Variants in CASP10 observed in about 807,000 individuals in gnomAD.
The protein encoded by CASP10 is caspase 10.
A neutral mutation model predicts 48.5 loss-of-function variants in CASP10; 41 were observed. That is an observed-to-expected ratio of 0.85 (90% CI 0.66 to 1.10). The LOEUF (loss-of-function observed/expected upper bound fraction) is 1.10. Ranked by LOEUF, CASP10 falls within the 50% of genes least tolerant of loss-of-function variation. The pLI is 0.00. For missense variants in CASP10, 614 were observed against 614.5 expected (o/e 1.00, Z 0.01); for synonymous variants, 232 against 238.4 (o/e 0.97, Z 0.25).
chr2:201,217,791 C>T lies in CASP10; in HGVS notation c.*50C>T, dbSNP rs768830139. The T allele has an allele frequency of 5.6e-6, 9 of 1,613,142 alleles. No individual in the cohort carries two copies. Among genetic ancestry groups the T allele is most frequent in the South Asian group, 1.1e-5 (1 of 91,014 alleles). Reference sequence around the variant, plus strand: ...ACCTCAAACGAATCATTGGCTATAACCTCCAGCCTCCTGCCCAGCACAGGA... The same window carrying T: ...ACCTCAAACGAATCATTGGCTATAATCTCCAGCCTCCTGCCCAGCACAGGA... On this transcript the variant is annotated 3_prime_UTR_variant, in exon 10 of 10. Coordinates refer to ENST00000286186, the MANE Select transcript of CASP10 (RefSeq NM_032977.4).
chr2:201,221,256 C>T lies in CASP10; in HGVS notation c.*3515C>T. ...GATGTCTACCGCAGCAGAAGGCCAG[C>T]TCTTGACTCTGAGTTCAGTTGGACA... On this transcript the variant is annotated 3_prime_UTR_variant, in exon 10 of 10. Transcript: ENST00000286186. The T allele has an allele frequency of 4.1e-6, 4 of 985,726 alleles. No individual in the cohort carries two copies. The highest frequency in any genetic ancestry group is 4.8e-6 in the Non-Finnish European group (4 of 830,140). 61.1% of individuals were successfully genotyped at this position (985,726 alleles called of 1,614,324 possible).
chr2:201,200,665 G>A (rs1944986647), intron 5 of CASP10: 1 of 1,406,948 alleles, frequency 7.1e-7, no homozygotes, highest in Admixed American at 2.9e-5. Context: ...GCTTTGGGAG[G>A]CCACTTTGTA....
At chr2:201,192,516 T>C (rs1300939429) in intron 3 of CASP10, among the ~76,000 whole-genome samples, 1 of 152,168 alleles carries the variant, frequency 6.6e-6, no homozygotes, top group Non-Finnish European at 1.5e-5. Context: ...CTCATTTCTT[T>C]GGTGTCCCTC....
chr2:201,217,587 G>T lies in CASP10; in HGVS notation c.1416-1G>T. 6.2e-7 allele frequency: 1 copy of T among 1,611,676 alleles called. No homozygotes were observed. The highest frequency in any genetic ancestry group is 8.5e-7 in the Non-Finnish European group (1 of 1,177,764). On this transcript the variant is annotated splice_acceptor_variant, in intron 9 of 9. Coordinates refer to ENST00000286186, the MANE Select transcript of CASP10 (RefSeq NM_032977.4). LOFTEE classifies it high-confidence loss of function. ...AAATTTTGTTTTCTTCTTTGTTGCA[G>T]ACATGAAGACATCTTATCCATCCTC...
chr2:201,218,823 T>G lies in CASP10; in HGVS notation c.*1082T>G. 5.1e-6 allele frequency: 5 copies of G among 985,428 alleles called. No individual in the cohort carries two copies. Among genetic ancestry groups the G allele is most frequent in the Non-Finnish European group, 6.0e-6 (5 of 829,944 alleles). The allele number at this position is 985,428 out of a possible 1,614,324, so 61.0% of individuals were successfully genotyped here. Reference sequence around the variant, plus strand: ...TTTGCACATCTAGTGAGGTGAAAATTTGGTCTATGCCAGGCCCATTTCCTG... The same window carrying G: ...TTTGCACATCTAGTGAGGTGAAAATGTGGTCTATGCCAGGCCCATTTCCTG... On this transcript the variant is annotated 3_prime_UTR_variant, in exon 10 of 10. Transcript: ENST00000286186.
intron 7 of CASP10, 30 bp from the exon 8 acceptor site, chr2:201,208,045 C>G (rs2126045727): frequency 6.6e-7 from 1 of 1,512,558 alleles, no homozygotes; most frequent in East Asian, 2.3e-5. Context: ...GATAAGGATT[C>G]CTACTAAGTG....
chr2:201,205,619 G>C (rs573282876), intron 6 of CASP10, among the ~76,000 whole-genome samples: 7 of 152,202 alleles, frequency 4.6e-5, no homozygotes, highest in African/African-American at 1.7e-4. Context: ...CCATACTTGA[G>C]CTGGAAGCCT....
rs982746965 is a variant in CASP10 at position 201,221,029 on chromosome 2, T to C, written c.*3288T>C. 5.1e-6 allele frequency: 5 copies of C among 985,338 alleles called. No individual in the cohort carries two copies. The African/African-American group carries it at 8.7e-5, about 17-fold the overall frequency. The allele number at this position is 985,338 out of a possible 1,614,324, so 61.0% of individuals were successfully genotyped here. A position where few individuals can be genotyped will look rare whatever the true frequency, so the allele number is the denominator to read the frequency against. Reference sequence around the variant, plus strand: ...GACGAAAAAGAATGTGTCCTATGTGTGCATCTATTTAAATCTAACTGTGCT... The same window carrying C: ...GACGAAAAAGAATGTGTCCTATGTGCGCATCTATTTAAATCTAACTGTGCT... On this transcript the variant is annotated 3_prime_UTR_variant, in exon 10 of 10. Transcript: ENST00000286186.
Position 201,220,138 on chromosome 2 carries a change from G to T in CASP10, c.*2397G>T, listed in dbSNP as rs1006573826. 2.0e-6 allele frequency: 2 copies of T among 985,330 alleles called. No individual in the cohort carries two copies. The highest frequency in any genetic ancestry group is 3.5e-5 in the African/African-American group (2 of 57,250). The allele number at this position is 985,330 out of a possible 1,614,324, so 61.0% of individuals were successfully genotyped here. ...TGTCATGTGGATTTGAATGTAGCTTGACAGAGGGAATGTCTAATCTATATT... is the reference window on the plus strand; with the variant it reads ...TGTCATGTGGATTTGAATGTAGCTTTACAGAGGGAATGTCTAATCTATATT... On this transcript the variant is annotated 3_prime_UTR_variant, in exon 10 of 10. Transcript: ENST00000286186.
At position 201,219,643 on chromosome 2, in the gene CASP10, G is replaced by C; in HGVS notation, c.*1902G>C. 6.1e-6 allele frequency: 6 copies of C among 985,124 alleles called. No homozygotes were observed. The highest frequency in any genetic ancestry group is 7.2e-6 in the Non-Finnish European group (6 of 829,914). The allele number at this position is 985,124 out of a possible 1,614,324, so 61.0% of individuals were successfully genotyped here. On this transcript the variant is annotated 3_prime_UTR_variant, in exon 10 of 10. Transcript: ENST00000286186. ...ATGTCTGGCTTGCCTGAAGGGAGTG[G>C]CTCTGTAAGGACGCCTTGATGCTTT...
chr2:201,199,294 C>T (rs978738359), intron 5 of CASP10, among the ~76,000 whole-genome samples: 23 of 152,136 alleles, frequency 1.5e-4, no homozygotes, highest in African/African-American at 5.5e-4. Flanking sequence ...TCTGTTGAAC[C>T]CAATAATGTC....
At chr2:201,226,488 T>A (rs1391420711), downstream of CASP10, among the ~76,000 whole-genome samples, 1 of 152,170 alleles carries the variant, frequency 6.6e-6, no homozygotes, top group Admixed American at 6.5e-5. Flanking sequence ...TTAAAAACAT[T>A]GTTTTGTAGA....
At chr2:201,206,490 A>G (rs1479377389) in intron 7 of CASP10, among the ~76,000 whole-genome samples, 1 of 149,064 alleles carries the variant, frequency 6.7e-6, no homozygotes, top group Non-Finnish European at 1.5e-5. Context: ...CCATCTTTAT[A>G]TACATATGAA....
chr2:201,217,696 G>A lies in CASP10; in HGVS notation c.1524G>A (p.Arg508=), dbSNP rs1171906071. ...KQMPQPAFTL[R]KKLVFPVPLD... is the part of the protein sequence containing the mutation. ...TGCCCCAGCCTGCTTTCACACTAAG[G>A]AAAAAACTAGTATTCCCTGTGCCCC... The change falls in exon 10 of 10, where the codon AGG becomes AGA. Residue 508 remains arginine (R), a synonymous_variant. Transcript: ENST00000286186. The A allele has an allele frequency of 2.5e-6, 4 of 1,613,972 alleles. No homozygotes were observed. Among genetic ancestry groups the A allele is most frequent in the African/African-American group, 1.3e-5 (1 of 74,910 alleles).
At chr2:201,208,711 C>T (rs1037354821) in intron 8 of CASP10, among the ~76,000 whole-genome samples, 6 of 152,050 alleles carry the variant, frequency 3.9e-5, no homozygotes, top group African/African-American at 1.2e-4. Context: ...CAGAGTCTTG[C>T]TCTGTTGCCC....
intron 5 of CASP10, among the ~76,000 whole-genome samples, chr2:201,200,885 A>G (rs1489106563): frequency 6.6e-6 from 1 of 152,064 alleles, no homozygotes; most frequent in Non-Finnish European, 1.5e-5. Flanking sequence ...AAGCGCCTAG[A>G]TATCTGATTG....
At chr2:201,186,236 G>A in intron 2 of CASP10, 112 bp downstream of exon 2, 2 of 778,314 alleles carry the variant, frequency 2.6e-6, no homozygotes, top group Non-Finnish European at 4.5e-6. Flanking sequence ...CTACCTCCTT[G>A]GATGATAAAC....
chr2:201,197,004 T>C (rs1468622982), intron 5 of CASP10, among the ~76,000 whole-genome samples: 1 of 152,200 alleles, frequency 6.6e-6, no homozygotes, highest in East Asian at 1.9e-4. Context: ...TTGTAGCATA[T>C]CTCAGAATTT....
intron 5 of CASP10, 131 bp from the exon 6 acceptor site, chr2:201,203,599 A>C: frequency 1.2e-6 from 1 of 842,736 alleles, no homozygotes; most frequent in East Asian, 2.5e-5. Flanking sequence ...GAGCCACCGC[A>C]ACCGGCCCAA....
Sources: allele counts gnomAD v4.1 joint callset (sites outside exome capture counted in the v4.1 genomes callset), GRCh38; gene constraint gnomAD v4.1.1; transcripts MANE v1.5; gene names NCBI Gene and HGNC (gene_info 2026-07-23, HGNC 2026-07-21).